The following MTTP variants were observed in gnomAD, a reference collection of about 807,000 sequenced individuals.
The protein encoded by MTTP is microsomal triglyceride transfer protein large subunit.
A neutral mutation model predicts 90.6 loss-of-function variants in MTTP; 49 were observed. The ratio of observed to expected loss-of-function variants is 0.54; its 90% confidence interval spans 0.43 to 0.69. The LOEUF is 0.69. MTTP is among the 30% of genes least tolerant of loss of function. MTTP has a pLI of 0.00. For missense variants in MTTP, 945 were observed against 1,067.5 expected (o/e 0.89, Z 1.60); for synonymous variants, 347 against 384.2 (o/e 0.90, Z 1.13).
Position 99,611,437 on chromosome 4 carries a change from G to T in MTTP, c.1973G>T (p.Gly658Val), listed in dbSNP as rs751863175. The change falls in exon 14 of 18, where the codon GGT (glycine) becomes GTT (valine). Residue 658 changes from glycine (G) to valine (V), a missense_variant. Physicochemically the swap from Gly to Val is moderately radical, Grantham distance 109 (BLOSUM62 -3). Coordinates refer to ENST00000265517, the MANE Select transcript of MTTP (RefSeq NM_001386140.1). The part of the protein sequence containing the change: ...LNIFQYIGKA[G>V]LHGSQVVIEA... ...ATCTTTCAGTACATTGGGAAGGCTG[G>T]TCTTCACGGTAGCCAGGTAACTCAC... 1.3e-5 allele frequency: 21 copies of T among 1,613,966 alleles called. No homozygotes were observed. The highest frequency in any genetic ancestry group is 1.8e-5 in the Non-Finnish European group (21 of 1,179,966).
chr4:99,585,273 G>GTTGA (rs1391516171), intron 3 of MTTP, among the ~76,000 whole-genome samples: 10 of 151,942 alleles, frequency 6.6e-5, no homozygotes, highest in African/African-American at 2.4e-4. Context: ...GCCCTGAGCA[G>GTTGA]TAAGGGCTGC....
chr4:99,614,491 G>T (rs571125919), intron 15 of MTTP, among the ~76,000 whole-genome samples: 2 of 152,178 alleles, frequency 1.3e-5, no homozygotes, highest in Admixed American at 6.5e-5. Context: ...AAAACAAAAA[G>T]CAATTTAGAG....
intron 9 of MTTP, among the ~76,000 whole-genome samples, chr4:99,601,115 A>G (rs1170490760): frequency 1.3e-5 from 2 of 152,150 alleles, no homozygotes; most frequent in South Asian, 2.1e-4. Context: ...AAGAGATACA[A>G]TTCTTCTGCT....
At position 99,595,384 on chromosome 4, in the gene MTTP, C is replaced by T. The variant is rs148005233; in HGVS notation, c.909+501C>T. The T allele has an allele frequency of 2.6e-4, 47 of 177,970 alleles. 1 individual carries two copies. The highest frequency in any genetic ancestry group is 1.1e-3 in the African/African-American group (45 of 42,036). 11.0% of individuals were successfully genotyped at this position (177,970 alleles called of 1,614,324 possible). ...ACAATTCCTGTCAGAAATGCGATAT[C>T]TCATCCCCAGGGCAAAGTGTAGATC... On this transcript the variant is annotated intron_variant, in intron 7 of 17. Coordinates refer to ENST00000265517, the MANE Select transcript of MTTP (RefSeq NM_001386140.1).
intron 12 of MTTP, among the ~76,000 whole-genome samples, chr4:99,610,715 A>G (rs548060281): frequency 6.6e-6 from 1 of 152,316 alleles, no homozygotes; most frequent in South Asian, 2.1e-4. Flanking sequence ...ATGTACTGTT[A>G]TATGTCATTA....
intron 3 of MTTP, among the ~76,000 whole-genome samples, chr4:99,589,157 G>C (rs924699404): frequency 6.8e-6 from 1 of 146,242 alleles, no homozygotes; most frequent in Non-Finnish European, 1.5e-5. Context: ...GGGTATTATG[G>C]CCATGCCTGG....
intron 3 of MTTP, among the ~76,000 whole-genome samples, chr4:99,584,812 A>G (rs1194121954): frequency 6.6e-6 from 1 of 151,942 alleles, no homozygotes; most frequent in Non-Finnish European, 1.5e-5. Flanking sequence ...AAAAAATCCA[A>G]TTCCTCTTTG....
In MTTP at chr4:99,604,441, T is replaced by C. The variant is rs1725766535; in HGVS notation, c.1345-2307T>C. On this transcript the variant is annotated intron_variant, in intron 10 of 17. Transcript: ENST00000265517. ...CACTGAATTTGTACTTGAAAAAATG[T>C]AAACCTACAGAAAAGTTGTAAGAAT... is the stretch of plus-strand genomic sequence containing the variant. Among the ~76,000 whole-genome samples, 2 of 152,166 alleles carry C rather than the reference T, an allele frequency of 1.3e-5. 1 individual carries two copies. The highest frequency in any genetic ancestry group is 1.3e-4 in the Admixed American group (2 of 15,252).
chr4:99,577,342 A>G (rs958353309), intron 1 of MTTP, among the ~76,000 whole-genome samples: 10 of 152,164 alleles, frequency 6.6e-5, no homozygotes, highest in African/African-American at 2.4e-4. Flanking sequence ...GTGGTGGCTC[A>G]TGCCTGTAAT....
chr4:99,590,347 C>T (rs931107848), intron 4 of MTTP, among the ~76,000 whole-genome samples: 1 of 152,146 alleles, frequency 6.6e-6, no homozygotes, highest in Non-Finnish European at 1.5e-5. Context: ...GCCTTGGCCT[C>T]CCAAAGTGCT....
Position 99,617,235 on chromosome 4 carries a change from C to G in MTTP, c.2218-1739C>G, listed in dbSNP as rs1307037771. ...TCATCCCATGCAGCCATATTTTGTC[C>G]TATATCAAATGTCTCTTTAAGTATC... On this transcript the variant is annotated intron_variant, in intron 15 of 17. Transcript: ENST00000265517. Among the ~76,000 whole-genome samples, 5 of 152,094 alleles carry G rather than the reference C, an allele frequency of 3.3e-5. No individual in the cohort carries two copies. The East Asian group carries it at 9.6e-4, about 29-fold the overall frequency.
Position 99,622,890 on chromosome 4 carries a change from G to A in MTTP, c.*42G>A. The A allele has an allele frequency of 1.9e-6, 3 of 1,588,018 alleles. No individual in the cohort carries two copies. The highest frequency in any genetic ancestry group is 2.6e-6 in the Non-Finnish European group (3 of 1,156,430). ...TTTACTTGAATTTGTCTCCCCGAAA[G>A]GGACACAATGTGGCATGACTAAGTA... On this transcript the variant is annotated 3_prime_UTR_variant, in exon 18 of 18. Transcript: ENST00000265517.
chr4:99,614,421 C>CA (rs1560625863), intron 15 of MTTP, among the ~76,000 whole-genome samples: 2 of 152,212 alleles, frequency 1.3e-5, no homozygotes, highest in Non-Finnish European at 2.9e-5. Flanking sequence ...TGGGATTAAA[C>CA]AGTGTTAATT....
chr4:99,583,552 C>T (rs1725181339), intron 3 of MTTP, 35 bp downstream of exon 3: 1 of 1,612,302 alleles, frequency 6.2e-7, no homozygotes, highest in Non-Finnish European at 8.5e-7. Context: ...ACTTTTTCTC[C>T]AACTTCATAT....
chr4:99,595,712 A>G (rs1408645747), intron 7 of MTTP: 1 of 152,102 alleles, frequency 6.6e-6, no homozygotes, highest in Admixed American at 6.6e-5. Flanking sequence ...AACATTTTAA[A>G]ACACAAAATC....
At chr4:99,590,022 A>G (rs557095100) in intron 4 of MTTP, among the ~76,000 whole-genome samples, 2 of 152,176 alleles carry the variant, frequency 1.3e-5, no homozygotes, top group Non-Finnish European at 2.9e-5. Context: ...CCACTGTACC[A>G]TGGAGGGGCT....
At chr4:99,589,424 A>G in intron 3 of MTTP, among the ~76,000 whole-genome samples, 1 of 152,036 alleles carries the variant, frequency 6.6e-6, no homozygotes, top group East Asian at 1.9e-4. Flanking sequence ...CCCATCATGC[A>G]AGAGCCTTCA....
intron 4 of MTTP, among the ~76,000 whole-genome samples, chr4:99,590,079 A>G (rs1189839271): frequency 6.6e-6 from 1 of 151,970 alleles, no homozygotes; most frequent in Non-Finnish European, 1.5e-5. Context: ...ATTCTGATTC[A>G]GTAGATCGGG....
chr4:99,575,991 G>A lies in MTTP; in HGVS notation c.61+1021G>A, dbSNP rs180848705. ...TTTTGTGTAGAAAATTTCCACATGA[G>A]GAAAAAAACCTAATCTTCATTATTG... On this transcript the variant is annotated intron_variant, in intron 1 of 17. Transcript: ENST00000265517. Among the ~76,000 whole-genome samples the A allele has an allele frequency of 2.0e-3, 306 of 151,844 alleles. 1 individual carries two copies. The highest frequency in any genetic ancestry group is 0.01 in the Middle Eastern group (3 of 294).
Sources: allele counts gnomAD v4.1 joint callset (sites outside exome capture counted in the v4.1 genomes callset), GRCh38; gene constraint gnomAD v4.1.1; transcripts MANE v1.5; gene names NCBI Gene and HGNC (gene_info 2026-07-23, HGNC 2026-07-21).